Variants in PLXDC2 observed in about 807,000 individuals in gnomAD.
PLXDC2 encodes plexin domain containing 2, also known as plexin domain-containing protein 2.
A neutral mutation model predicts 68.9 loss-of-function variants in PLXDC2; 40 were observed. The ratio of observed to expected loss-of-function variants is 0.58; its 90% CI spans 0.45 to 0.76. PLXDC2 has a LOEUF of 0.76. Ranked by LOEUF, PLXDC2 falls within the 30% of genes least tolerant of loss-of-function variation. The pLI is 0.00. For synonymous variants in PLXDC2, 243 were observed against 234.2 expected (o/e 1.04, Z -0.34); for missense variants, 644 against 661.9 (o/e 0.97, Z 0.30).
intron 6 of PLXDC2, among the ~76,000 whole-genome samples, chr10:20,152,766 T>A (rs1834167953): frequency 6.6e-6 from 1 of 152,162 alleles, no homozygotes; most frequent in African/African-American, 2.4e-5. Flanking sequence ...TGTTTTCTTT[T>A]TATTTCCTCT....
intron 1 of PLXDC2, among the ~76,000 whole-genome samples, chr10:19,994,013 AC>A (rs1311917857): frequency 6.6e-6 from 1 of 152,110 alleles, no homozygotes; most frequent in Non-Finnish European, 1.5e-5. Flanking sequence ...TCTAGTTTTA[AC>A]TTAAAATTGT....
intron 2 of PLXDC2, among the ~76,000 whole-genome samples, chr10:20,042,724 A>T (rs1317076959): frequency 6.6e-6 from 1 of 152,218 alleles, no homozygotes; most frequent in Non-Finnish European, 1.5e-5. Context: ...GCTAGAAAAG[A>T]AGGCAGCATT....
chr10:20,096,263 G>C (rs1300975344), intron 4 of PLXDC2, among the ~76,000 whole-genome samples: 1 of 152,148 alleles, frequency 6.6e-6, no homozygotes, highest in African/African-American at 2.4e-5. Flanking sequence ...ATTTGGGCAT[G>C]ACTCCTCGTC....
chr10:20,222,676 G>T (rs896552781), intron 12 of PLXDC2, among the ~76,000 whole-genome samples: 3 of 152,090 alleles, frequency 2.0e-5, no homozygotes, highest in African/African-American at 7.2e-5. Flanking sequence ...TGAAATGGCT[G>T]GTTCTAAAAA....
chr10:20,194,190 C>CTGTGTGTGTG (rs58142621), intron 9 of PLXDC2, among the ~76,000 whole-genome samples: 6,075 of 143,660 alleles, frequency 0.042, 174 homozygotes, highest in East Asian at 0.064. Flanking sequence ...TTGAACTCAG[C>CTGTGTGTGTG]TGTGTGTGTG....
chr10:19,860,416 T>A (rs117612007), intron 1 of PLXDC2, among the ~76,000 whole-genome samples: 53 of 152,270 alleles, frequency 3.5e-4, no homozygotes, highest in Non-Finnish European at 6.2e-4. Flanking sequence ...CATAAATACC[T>A]GTTGATGAAT....
chr10:20,279,849 G>A lies in PLXDC2; in HGVS notation c.*30G>A. 1 of 1,583,154 alleles carries A rather than the reference G, an allele frequency of 6.3e-7. No individual in the cohort carries two copies. The highest frequency in any genetic ancestry group is 8.7e-7 in the Non-Finnish European group (1 of 1,153,714). The stretch of plus-strand genomic sequence containing the variant: ...TCTAGGACAGAACAACACCAGTACT[G>A]GTTTACAGGTGTTAAGACTAAAATT... On this transcript the variant is annotated 3_prime_UTR_variant, in exon 14 of 14. Coordinates refer to ENST00000377252, the MANE Select transcript of PLXDC2 (RefSeq NM_032812.9).
intron 5 of PLXDC2, 21 bp from the exon 6 acceptor site, chr10:20,147,763 C>T (rs776109619): frequency 7.0e-7 from 1 of 1,435,278 alleles, no homozygotes; most frequent in Middle Eastern, 1.8e-4. Context: ...TGCATTTCTT[C>T]TTTTTTCAAT....
rs149174227 is a variant in PLXDC2, at chr10:19,962,743, T to C, written c.113-39032T>C. 9.6e-3 allele frequency among the ~76,000 whole-genome samples: 1,389 copies of C among 145,348 alleles called. 9 individuals carry two copies. Among genetic ancestry groups the C allele is most frequent in the Admixed American group, 0.019 (282 of 14,724 alleles). The stretch of plus-strand genomic sequence containing the variant: ...GCTCATGCCTGTAATCCCAGCACTT[T>C]GGGAGGCCGAGGCTGGGCGGATCAC... On this transcript the variant is annotated intron_variant, in intron 1 of 13. Coordinates refer to ENST00000377252, the MANE Select transcript of PLXDC2 (RefSeq NM_032812.9).
intron 4 of PLXDC2, among the ~76,000 whole-genome samples, chr10:20,079,279 G>C (rs1161525760): frequency 6.6e-6 from 1 of 152,180 alleles, no homozygotes; most frequent in African/African-American, 2.4e-5. Flanking sequence ...GGTCATTAGA[G>C]AAATGCAAAT....
chr10:20,009,333 C>T (rs1835073135), intron 2 of PLXDC2, among the ~76,000 whole-genome samples: 1 of 152,020 alleles, frequency 6.6e-6, no homozygotes, highest in African/African-American at 2.4e-5. Flanking sequence ...TTGAACAGTC[C>T]TTTTACTATA....
chr10:20,207,262 CTT>C (rs1251073075), intron 9 of PLXDC2, among the ~76,000 whole-genome samples: 1 of 152,190 alleles, frequency 6.6e-6, no homozygotes, highest in South Asian at 2.1e-4. Context: ...TTCAGTAAAA[CTT>C]AATTTCACAC....
intron 1 of PLXDC2, among the ~76,000 whole-genome samples, chr10:19,989,230 G>A (rs960668688): frequency 7.2e-5 from 11 of 152,166 alleles, no homozygotes; most frequent in African/African-American, 1.4e-4. Flanking sequence ...TGTAAAGTAC[G>A]TTTTGGAGCT....
intron 1 of PLXDC2, among the ~76,000 whole-genome samples, chr10:19,946,683 C>A (rs1833907483): frequency 6.6e-6 from 1 of 151,850 alleles, no homozygotes; most frequent in Non-Finnish European, 1.5e-5. Flanking sequence ...AAACACATTG[C>A]ATTTATTGTG....
chr10:19,866,420 G>T (rs1837417789), intron 1 of PLXDC2, among the ~76,000 whole-genome samples: 1 of 152,094 alleles, frequency 6.6e-6, no homozygotes, highest in Admixed American at 6.6e-5. Context: ...TCTTCCGTGG[G>T]ACACCGCTGG....
chr10:19,883,693 A>C (rs1837781245), intron 1 of PLXDC2, among the ~76,000 whole-genome samples: 1 of 148,812 alleles, frequency 6.7e-6, no homozygotes. Context: ...CTTTCTTCAG[A>C]CTTGAAAAAA....
At position 20,218,729 on chromosome 10, in the gene PLXDC2, C is replaced by A. The variant is rs1329005858; in HGVS notation, c.1274-335C>A. On this transcript the variant is annotated intron_variant, in intron 11 of 13. Transcript: ENST00000377252. The stretch of plus-strand genomic sequence containing the variant: ...ATTTTTTAAAATGAATAAATAAGGT[C>A]ATAACTATAGGTTCTAATTACAATA... Among the ~76,000 whole-genome samples, 5 of 152,118 alleles carry A rather than the reference C, an allele frequency of 3.3e-5. No individual in the cohort carries two copies. In the South Asian group the frequency reaches 8.3e-4, roughly 25 times the overall value.
At chr10:19,897,807 T>G (rs1268470565) in intron 1 of PLXDC2, among the ~76,000 whole-genome samples, 1 of 152,116 alleles carries the variant, frequency 6.6e-6, no homozygotes, top group African/African-American at 2.4e-5. Context: ...TCTCCCTAAT[T>G]TGAGAATATG....
rs143211662 is a variant in PLXDC2, at chr10:20,242,325, A to G, written c.1313-3020A>G. Among the ~76,000 whole-genome samples, 1,370 of 152,318 alleles carry G rather than the reference A, an allele frequency of 9.0e-3. 11 individuals carry two copies. The highest frequency in any genetic ancestry group is 0.015 in the Non-Finnish European group (992 of 68,014). On this transcript the variant is annotated intron_variant, in intron 12 of 13. Coordinates refer to ENST00000377252, the MANE Select transcript of PLXDC2 (RefSeq NM_032812.9). ...TGTAATTTGTCTCAACCTGCCTCAT[A>G]TAAAAAGTATGATAATAACATAATA...
Sources: allele counts gnomAD v4.1 joint callset (sites outside exome capture counted in the v4.1 genomes callset), GRCh38; gene constraint gnomAD v4.1.1; transcripts MANE v1.5; gene names NCBI Gene and HGNC (gene_info 2026-07-23, HGNC 2026-07-21).